The following DIS3L2 variants were observed in gnomAD, a reference collection of about 807,000 sequenced individuals.
DIS3L2 encodes the protein DIS3-like exonuclease 2.
A neutral mutation model predicts 97.5 loss-of-function variants in DIS3L2; 34 were observed. The observed-to-expected ratio is 0.35, with a 90% CI of 0.27 to 0.46. DIS3L2 has a LOEUF of 0.46. Among genes scored for constraint, DIS3L2 ranks in the 20% least tolerant of loss-of-function variants. The probability of loss-of-function intolerance (pLI) is 1.00; values close to 1 mark genes in which losing one functional copy is unlikely to be tolerated. For missense variants in DIS3L2, 1,038 were observed against 1,146.0 expected (o/e 0.91, Z 1.36); for synonymous variants, 435 against 445.2 (o/e 0.98, Z 0.29).
intron 15 of DIS3L2, 150 bp from the exon 16 acceptor site, chr2:232,330,540 C>T (rs1342077427): frequency 2.4e-6 from 2 of 819,034 alleles, no homozygotes; most frequent in Middle Eastern, 3.5e-4. Context: ...GCTGCCCCCT[C>T]TCCCCACCCA....
chr2:232,041,651 G>T (rs572653852), intron 5 of DIS3L2, among the ~76,000 whole-genome samples: 1 of 152,186 alleles, frequency 6.6e-6, no homozygotes, highest in South Asian at 2.1e-4. Context: ...CATAGTGATT[G>T]GCTCAGAGAA....
At chr2:232,237,727 G>A (rs911132468) in intron 10 of DIS3L2, among the ~76,000 whole-genome samples, 1 of 148,120 alleles carries the variant, frequency 6.8e-6, no homozygotes, top group South Asian at 2.2e-4. Flanking sequence ...ACAGGTGGAG[G>A]AAATGGTGGG....
At chr2:232,078,156 G>A (rs1242974446) in intron 5 of DIS3L2, among the ~76,000 whole-genome samples, 1 of 151,382 alleles carries the variant, frequency 6.6e-6, no homozygotes, top group Non-Finnish European at 1.5e-5. Context: ...TGATTCTCCT[G>A]CCTCAGCCTC....
At chr2:232,213,613 G>C (rs1692247372) in intron 10 of DIS3L2, among the ~76,000 whole-genome samples, 3 of 144,906 alleles carry the variant, frequency 2.1e-5, no homozygotes, top group African/African-American at 5.1e-5. Flanking sequence ...AATGTTCAAT[G>C]CTTCAAAAAA....
At chr2:232,300,514 G>C (rs1694826848) in intron 14 of DIS3L2, among the ~76,000 whole-genome samples, 1 of 152,094 alleles carries the variant, frequency 6.6e-6, no homozygotes, top group Admixed American at 6.5e-5. Flanking sequence ...GTTTTGTTGT[G>C]ATTATCTACC....
chr2:232,341,144 G>A (rs1041832523), downstream of DIS3L2: 2 of 359,284 alleles, frequency 5.6e-6, no homozygotes, highest in East Asian at 1.5e-4. Flanking sequence ...CATGTCCCTC[G>A]CCTTCTCAGG....
Position 232,155,908 on chromosome 2 carries a change from T to C in DIS3L2, c.951-7551T>C, listed in dbSNP as rs1274046442. ...GGGAGGCCGAGGCAGGAGAATGGTG[T>C]GAACCCGGGAGGCGGAGCTTGCAGT... On this transcript the variant is annotated intron_variant, in intron 8 of 20. Coordinates refer to ENST00000325385, the MANE Select transcript of DIS3L2 (RefSeq NM_152383.5). 2.6e-5 allele frequency among the ~76,000 whole-genome samples: 4 copies of C among 151,590 alleles called. No homozygotes were observed. The East Asian group carries it at 7.8e-4, about 30-fold the overall frequency.
intron 5 of DIS3L2, among the ~76,000 whole-genome samples, chr2:232,085,565 G>T (rs1375220336): frequency 6.6e-6 from 1 of 152,132 alleles, no homozygotes; most frequent in Non-Finnish European, 1.5e-5. Context: ...ATTGAACATA[G>T]GTATTTATCA....
At chr2:232,283,475 T>A (rs1694348625) in intron 13 of DIS3L2, among the ~76,000 whole-genome samples, 1 of 152,190 alleles carries the variant, frequency 6.6e-6, no homozygotes, top group African/African-American at 2.4e-5. Context: ...CAGGCTGGTC[T>A]CCAACTCCTG....
At chr2:232,080,593 CTTTCT>C (rs1458234538) in intron 5 of DIS3L2, among the ~76,000 whole-genome samples, 1 of 151,240 alleles carries the variant, frequency 6.6e-6, no homozygotes, top group Non-Finnish European at 1.5e-5. Flanking sequence ...CTTTTTTTCC[CTTTCT>C]TTTCTTCTTT....
chr2:232,268,907 G>T lies in DIS3L2; in HGVS notation c.1659+5467G>T. Among the ~76,000 whole-genome samples, 1 of 152,208 alleles carries T rather than the reference G, an allele frequency of 6.6e-6. No homozygotes were observed. Among genetic ancestry groups the T allele is most frequent in the Non-Finnish European group, 1.5e-5 (1 of 68,036 alleles). On this transcript the variant is annotated intron_variant, in intron 13 of 20. Transcript: ENST00000325385. The surrounding 1 kb of genome is among the most constrained non-coding windows in gnomAD (Gnocchi z 4.1). ...ATTAGGTAAATTATTCCTTTGATTA[G>T]TACCATGCTTATCCAGTCCAATGGG...
At chr2:232,157,497 T>A (rs1336935397) in intron 8 of DIS3L2, among the ~76,000 whole-genome samples, 1 of 152,258 alleles carries the variant, frequency 6.6e-6, no homozygotes, top group Non-Finnish European at 1.5e-5. Flanking sequence ...GGTGAAGTCC[T>A]TAATTACAAA....
At chr2:232,024,816 A>G (rs888934478) in intron 4 of DIS3L2, among the ~76,000 whole-genome samples, 1 of 152,140 alleles carries the variant, frequency 6.6e-6, no homozygotes, top group Non-Finnish European at 1.5e-5. Flanking sequence ...AACTTTGTAC[A>G]AGGCTCTTTA....
At chr2:232,129,471 T>G (rs1698160046) in intron 6 of DIS3L2, among the ~76,000 whole-genome samples, 1 of 152,244 alleles carries the variant, frequency 6.6e-6, no homozygotes, top group African/African-American at 2.4e-5. Context: ...ATGTCCTCTT[T>G]CACTGATAGA....
intron 6 of DIS3L2, among the ~76,000 whole-genome samples, chr2:232,130,144 AATAAAT>A (rs1184751975): frequency 2.6e-5 from 4 of 152,190 alleles, no homozygotes. Context: ...TTATTTATTT[AATAAAT>A]ATAATCTATT....
intron 12 of DIS3L2, among the ~76,000 whole-genome samples, chr2:232,249,600 G>A (rs1236769220): frequency 6.6e-6 from 1 of 152,210 alleles, no homozygotes; most frequent in Non-Finnish European, 1.5e-5. Context: ...AATTGAGTAA[G>A]CAGAGTGATG....
At chr2:232,083,457 A>T in intron 5 of DIS3L2, among the ~76,000 whole-genome samples, 1 of 150,534 alleles carries the variant, frequency 6.6e-6, no homozygotes, top group African/African-American at 2.4e-5. Flanking sequence ...ACAAAATAGA[A>T]CCTAAAGGCC....
At chr2:231,962,960 A>ATT (rs35614398) in intron 1 of DIS3L2, among the ~76,000 whole-genome samples, 40,135 of 148,912 alleles carry the variant, frequency 0.27, 8,656 homozygotes, top group African/African-American at 0.6. Flanking sequence ...GTACATCCAC[A>ATT]TTTTTTTTTT....
chr2:232,018,703 G>A (rs112665973), intron 3 of DIS3L2, among the ~76,000 whole-genome samples: 2,017 of 150,316 alleles, frequency 0.013, 51 homozygotes, highest in African/African-American at 0.047. Context: ...GATTGAAGGG[G>A]GATTTAAAAA....
Sources: allele counts gnomAD v4.1 joint callset (sites outside exome capture counted in the v4.1 genomes callset), GRCh38; gene constraint gnomAD v4.1.1; non-coding constraint Gnocchi (gnomAD v3.1); transcripts MANE v1.5; gene names NCBI Gene and HGNC (gene_info 2026-07-23, HGNC 2026-07-21).